The following KHDRBS3 variants were observed in gnomAD, a reference collection of about 807,000 sequenced individuals.
KHDRBS3 encodes KH RNA binding domain containing, signal transduction associated 3, also known as KH domain-containing, RNA-binding, signal transduction-associated protein 3.
KHDRBS3 carries 23 observed loss-of-function variants against 45.6 expected under a neutral mutation model. The ratio of observed to expected loss-of-function variants is 0.50; its 90% CI spans 0.36 to 0.72. The LOEUF is 0.72. Among genes scored for constraint, KHDRBS3 ranks in the 30% least tolerant of loss-of-function variants. KHDRBS3 has a pLI of 0.00. For synonymous variants in KHDRBS3, 162 were observed against 156.5 expected (o/e 1.04, Z -0.26); for missense variants, 352 against 424.8 (o/e 0.83, Z 1.51).
chr8:135,650,373 G>A (rs1441187746), downstream of KHDRBS3, among the ~76,000 whole-genome samples: 2 of 152,114 alleles, frequency 1.3e-5, no homozygotes, highest in African/African-American at 4.8e-5. Context: ...TCTCTAAAGA[G>A]CATGCTTGGT....
chr8:135,521,200 A>C, intron 1 of KHDRBS3, 37 bp from the exon 2 acceptor site: 1 of 1,272,410 alleles, frequency 7.9e-7, no homozygotes, highest in South Asian at 1.2e-5. Context: ...TGCATTTCTG[A>C]GTCATACACT....
At chr8:135,585,449 G>A (rs994395166) in intron 6 of KHDRBS3, among the ~76,000 whole-genome samples, 1 of 151,982 alleles carries the variant, frequency 6.6e-6, no homozygotes, top group Admixed American at 6.6e-5. Flanking sequence ...TTCCATGAGG[G>A]TAGGCACTCT....
chr8:135,479,328 G>C (rs1822450854), intron 1 of KHDRBS3, among the ~76,000 whole-genome samples: 1 of 152,182 alleles, frequency 6.6e-6, no homozygotes, highest in African/African-American at 2.4e-5. Flanking sequence ...GTTAAGAAAA[G>C]CTGAGATCCA....
chr8:135,648,208 C>T (rs1831361093), downstream of KHDRBS3: 1 of 152,142 alleles, frequency 6.6e-6, no homozygotes, highest in Admixed American at 6.5e-5. Context: ...TAGCAAGTTT[C>T]ATTATCCATT....
At chr8:135,489,688 C>G (rs1212994548) in intron 1 of KHDRBS3, among the ~76,000 whole-genome samples, 2 of 151,468 alleles carry the variant, frequency 1.3e-5, no homozygotes, top group Non-Finnish European at 2.9e-5. Context: ...CTCAAAACAA[C>G]AACAACAAAA....
chr8:135,635,104 A>G (rs1830755598), intron 7 of KHDRBS3, among the ~76,000 whole-genome samples: 1 of 152,118 alleles, frequency 6.6e-6, no homozygotes, highest in Admixed American at 6.5e-5. Flanking sequence ...TTAGAAATTA[A>G]AACAAACATT....
intron 1 of KHDRBS3, among the ~76,000 whole-genome samples, chr8:135,492,797 C>T (rs1823225603): frequency 1.3e-5 from 2 of 152,034 alleles, no homozygotes; most frequent in African/African-American, 4.8e-5. Flanking sequence ...ACCTTGTATG[C>T]AAGATCCTTT....
intron 1 of KHDRBS3, among the ~76,000 whole-genome samples, chr8:135,495,379 A>C (rs891667686): frequency 1.3e-5 from 2 of 152,186 alleles, no homozygotes; most frequent in African/African-American, 4.8e-5. Context: ...CTGTTTTCTA[A>C]ATCCTAAGTA....
At chr8:135,577,367 A>G (rs541173827) in intron 5 of KHDRBS3, among the ~76,000 whole-genome samples, 48 of 152,234 alleles carry the variant, frequency 3.2e-4, no homozygotes, top group Admixed American at 5.2e-4. Context: ...TCATTTTGGT[A>G]TCATACAGAA....
chr8:135,524,942 C>G (rs781671501), intron 2 of KHDRBS3, among the ~76,000 whole-genome samples: 5 of 152,134 alleles, frequency 3.3e-5, no homozygotes, highest in Non-Finnish European at 7.3e-5. Context: ...CTCTCTGTCA[C>G]TGAGTACGGT....
At chr8:135,483,623 G>T (rs1272908025) in intron 1 of KHDRBS3, among the ~76,000 whole-genome samples, 3 of 152,152 alleles carry the variant, frequency 2.0e-5, no homozygotes, top group Admixed American at 2.0e-4. Flanking sequence ...TGTCATGAGG[G>T]TATCATATCC....
At chr8:135,633,772 T>C (rs968091768) in intron 7 of KHDRBS3, among the ~76,000 whole-genome samples, 6 of 152,170 alleles carry the variant, frequency 3.9e-5, no homozygotes, top group African/African-American at 1.4e-4. Context: ...AAGGCACAGA[T>C]TTCCCACAGG....
chr8:135,572,685 G>A (rs1169757464), intron 5 of KHDRBS3, among the ~76,000 whole-genome samples: 5 of 152,208 alleles, frequency 3.3e-5, no homozygotes, highest in African/African-American at 1.2e-4. Context: ...ATGTGGATGC[G>A]CATGAACGCA....
Position 135,557,600 on chromosome 8 carries a change from T to G in KHDRBS3, c.611+13T>G, listed in dbSNP as rs775452805. The stretch of plus-strand genomic sequence containing the variant: ...CAGCAATAACCAGGTAGGTGTAAAT[T>G]TTTTTTTAGGTTAACATACCGTGGC... On this transcript the variant is annotated intron_variant, in intron 5 of 8. Coordinates refer to ENST00000355849, the MANE Select transcript of KHDRBS3 (RefSeq NM_006558.3). 2.5e-6 allele frequency: 4 copies of G among 1,603,970 alleles called. No individual in the cohort carries two copies. The highest frequency in any genetic ancestry group is 3.4e-6 in the Non-Finnish European group (4 of 1,173,636).
chr8:135,530,863 T>C (rs1563746929), intron 2 of KHDRBS3, among the ~76,000 whole-genome samples: 1 of 152,220 alleles, frequency 6.6e-6, no homozygotes, highest in Non-Finnish European at 1.5e-5. Flanking sequence ...TCTATCTCTC[T>C]TTACATTTCA....
intron 6 of KHDRBS3, among the ~76,000 whole-genome samples, chr8:135,588,635 C>A (rs1450189332): frequency 6.6e-6 from 1 of 152,102 alleles, no homozygotes; most frequent in African/African-American, 2.4e-5. Context: ...GATGTAAACT[C>A]TTCTGTGATG....
chr8:135,631,907 A>C (rs1055803587), intron 7 of KHDRBS3, among the ~76,000 whole-genome samples: 2 of 152,208 alleles, frequency 1.3e-5, no homozygotes, highest in African/African-American at 4.8e-5. Context: ...TATTTACACC[A>C]GTGTCACCAA....
chr8:135,536,233 A>G lies in KHDRBS3; in HGVS notation c.208-6421A>G, dbSNP rs528344569. On this transcript the variant is annotated intron_variant, in intron 2 of 8. Transcript: ENST00000355849. ...TTCAGTGTTAATTTGCTTTCTGTCC[A>G]GTTTTTTTTTTTTTTTTTTTTTTTT... Among the ~76,000 whole-genome samples the G allele has an allele frequency of 1.8e-4, 13 of 71,472 alleles. No individual in the cohort carries two copies. The South Asian group carries it at 7.8e-3, about 43-fold the overall frequency. The allele number at this position is 71,472 out of a possible 152,430, so 46.9% of individuals were successfully genotyped here.
intron 7 of KHDRBS3, among the ~76,000 whole-genome samples, chr8:135,638,986 A>T (rs1315433120): frequency 6.8e-6 from 1 of 147,504 alleles, no homozygotes; most frequent in Non-Finnish European, 1.5e-5. Context: ...AAAAAAAAAG[A>T]AGTAGCTAGT....
Sources: gnomAD v4.1 joint callset for allele counts (sites outside exome capture counted in the v4.1 genomes callset) on GRCh38, gnomAD v4.1.1 for gene constraint, MANE v1.5 for transcripts, NCBI Gene and HGNC (gene_info 2026-07-23, HGNC 2026-07-21) for gene names.